The following ZFHX3 variants were observed in gnomAD, a reference collection of about 807,000 sequenced individuals.
ZFHX3 encodes the protein zinc finger homeobox 3.
Under a neutral mutation model 279.1 loss-of-function variants are expected in ZFHX3, and 42 were observed. The ratio of observed to expected loss-of-function variants is 0.15; its 90% CI spans 0.12 to 0.19. The LOEUF is 0.19. Among genes scored for constraint, ZFHX3 ranks in the 10% least tolerant of loss-of-function variants. The pLI is 1.00. For missense variants in ZFHX3, 4,981 were observed against 4,754.0 expected (o/e 1.05, Z -1.40); for synonymous variants, 2,293 against 1,957.8 (o/e 1.17, Z -4.52).
intron 4 of ZFHX3, among the ~76,000 whole-genome samples, chr16:73,304,134 A>G (rs1206899324): frequency 6.6e-6 from 1 of 152,124 alleles, no homozygotes; most frequent in Non-Finnish European, 1.5e-5. Context: ...AGCCTCACGG[A>G]GCTTGCAGAA....
At chr16:72,857,590 T>C (rs978449602) in intron 4 of ZFHX3, among the ~76,000 whole-genome samples, 4 of 152,122 alleles carry the variant, frequency 2.6e-5, no homozygotes, top group Admixed American at 2.6e-4. Context: ...AAGGCTGAGA[T>C]GGGAGGATAG....
At position 72,957,763 on chromosome 16, in the gene ZFHX3, G is replaced by A. The variant is rs747776153; in HGVS notation, c.2383C>T (p.Pro795Ser). The A allele has an allele frequency of 6.2e-7, 1 of 1,614,090 alleles. No homozygotes were observed. Among genetic ancestry groups the A allele is most frequent in the Non-Finnish European group, 8.5e-7 (1 of 1,180,016 alleles). The part of the protein sequence containing the change: ...NISSSCGAPS[P>S]TKPKTKPTWR... ...GTGGGTTTGGTTTTTGGTTTGGTCG[G>A]CGAGGGGGCCCCGCAGGAGCTACTG... Residue 795 changes from proline (P) to serine (S), a missense_variant, in exon 2 of 10, where the codon CCG (proline) becomes TCG (serine). Transcript: ENST00000268489.
intron 1 of ZFHX3, among the ~76,000 whole-genome samples, chr16:73,882,675 C>T (rs1055582650): frequency 6.6e-6 from 1 of 152,048 alleles, no homozygotes; most frequent in Non-Finnish European, 1.5e-5. Context: ...TTACCCACAT[C>T]AACCACGATT....
At chr16:73,466,778 G>C (rs549432551) in intron 2 of ZFHX3, among the ~76,000 whole-genome samples, 1 of 152,230 alleles carries the variant, frequency 6.6e-6, no homozygotes, top group East Asian at 1.9e-4. Context: ...CTAATCCTGA[G>C]TAGATATCTC....
chr16:73,881,672 T>C (rs946981505), intron 1 of ZFHX3, among the ~76,000 whole-genome samples: 1 of 149,804 alleles, frequency 6.7e-6, no homozygotes, highest in Admixed American at 6.6e-5. Flanking sequence ...ACTTAGTTGG[T>C]GCTATATGTG....
Position 73,762,547 on chromosome 16 carries a change from C to T in ZFHX3, c.-1607-82307G>A, listed in dbSNP as rs145514321. Among the ~76,000 whole-genome samples, 179 of 152,188 alleles carry T rather than the reference C, an allele frequency of 1.2e-3. 4 individuals are homozygous for T. In the East Asian group the frequency reaches 0.03, roughly 25 times the overall value. ...GCACAAGTATGCTCATTGCGCACTACTCACAATAGCAAAGACATGGAATCA... is the reference window on the plus strand; with the variant it reads ...GCACAAGTATGCTCATTGCGCACTATTCACAATAGCAAAGACATGGAATCA... On this transcript the variant is annotated intron_variant, in intron 1 of 17. Transcript: ENST00000641206.
intron 1 of ZFHX3, among the ~76,000 whole-genome samples, chr16:73,876,388 T>G (rs2029948318): frequency 6.6e-6 from 1 of 152,222 alleles, no homozygotes; most frequent in African/African-American, 2.4e-5. Flanking sequence ...TCTGTATGCA[T>G]GCAGACACAG....
At chr16:73,428,515 C>T (rs1176495388) in intron 3 of ZFHX3, among the ~76,000 whole-genome samples, 2 of 152,144 alleles carry the variant, frequency 1.3e-5, no homozygotes, top group African/African-American at 4.8e-5. Flanking sequence ...CCCCCAGCCA[C>T]CAGCCACCAG....
intron 1 of ZFHX3, among the ~76,000 whole-genome samples, chr16:73,699,077 G>A (rs375911140): frequency 2.0e-5 from 3 of 152,234 alleles, no homozygotes; most frequent in East Asian, 1.9e-4. Context: ...TAGAGACAAG[G>A]TTTCACCACG....
rs188968787 is a variant in ZFHX3, at chr16:73,841,818, T to C, written c.-1608+49833A>G. Among the ~76,000 whole-genome samples, 287 of 152,050 alleles carry C rather than the reference T, an allele frequency of 1.9e-3. 1 individual carries two copies. Among genetic ancestry groups the C allele is most frequent in the African/African-American group, 6.4e-3 (265 of 41,470 alleles). On this transcript the variant is annotated intron_variant, in intron 1 of 17. Transcript: ENST00000641206. ...CAGAGTGGAGGCTGCCAGGGAAGAG[T>C]AGACTTGACATAAAATATTTAAAAA...
chr16:73,867,005 C>T (rs565725473), intron 1 of ZFHX3, among the ~76,000 whole-genome samples: 9 of 152,146 alleles, frequency 5.9e-5, no homozygotes, highest in Non-Finnish European at 1.3e-4. Flanking sequence ...CATCTCACGT[C>T]GTCTTGTGCT....
chr16:72,823,967 T>C (rs1430892770), intron 5 of ZFHX3, among the ~76,000 whole-genome samples: 1 of 152,156 alleles, frequency 6.6e-6, no homozygotes, highest in Non-Finnish European at 1.5e-5. Context: ...AAAAAAGTAT[T>C]TTTTCAGCCC....
chr16:73,740,314 A>T (rs1292525312), intron 1 of ZFHX3, among the ~76,000 whole-genome samples: 1 of 152,128 alleles, frequency 6.6e-6, no homozygotes, highest in Admixed American at 6.5e-5. Context: ...CCAAAAAGTG[A>T]CTGAGCAGAT....
At chr16:73,672,299 A>G (rs2052911741) in intron 2 of ZFHX3, among the ~76,000 whole-genome samples, 1 of 152,196 alleles carries the variant, frequency 6.6e-6, no homozygotes. Flanking sequence ...TACAAAACCA[A>G]AATATATCAC....
At chr16:73,819,830 T>C (rs577312112) in intron 1 of ZFHX3, among the ~76,000 whole-genome samples, 6 of 152,228 alleles carry the variant, frequency 3.9e-5, no homozygotes, top group African/African-American at 1.4e-4. Flanking sequence ...CAGAGTTGAA[T>C]AGTAAGATCT....
chr16:73,537,177 A>G (rs545035815), intron 2 of ZFHX3, among the ~76,000 whole-genome samples: 1 of 152,274 alleles, frequency 6.6e-6, no homozygotes, highest in Non-Finnish European at 1.5e-5. Context: ...GCTGATGCTT[A>G]TCTTTAAAAC....
intron 3 of ZFHX3, among the ~76,000 whole-genome samples, chr16:72,927,652 G>T (rs1959528027): frequency 6.6e-6 from 1 of 152,106 alleles, no homozygotes; most frequent in South Asian, 2.1e-4. Context: ...CTGGCAGCAG[G>T]CCCTCCGCAC....
chr16:73,689,002 T>C (rs1051223406), intron 1 of ZFHX3, among the ~76,000 whole-genome samples: 1 of 152,174 alleles, frequency 6.6e-6, no homozygotes, highest in Non-Finnish European at 1.5e-5. Context: ...AATTGCCTGG[T>C]CTTGGGTATG....
chr16:73,356,597 T>C (rs1163830188), intron 3 of ZFHX3, among the ~76,000 whole-genome samples: 1 of 152,024 alleles, frequency 6.6e-6, no homozygotes, highest in African/African-American at 2.4e-5. Context: ...ACTTACAAGC[T>C]GAGCGACCTT....
Sources: gnomAD v4.1 joint callset for allele counts (sites outside exome capture counted in the v4.1 genomes callset) on GRCh38, gnomAD v4.1.1 for gene constraint, MANE v1.5 for transcripts, NCBI Gene and HGNC (gene_info 2026-07-23, HGNC 2026-07-21) for gene names.